ERBB4: variants seen among roughly 807,000 people sequenced by gnomAD.
The protein encoded by ERBB4 is erb-b2 receptor tyrosine kinase 4, also known as receptor tyrosine-protein kinase erbB-4.
Under a neutral mutation model 158.0 loss-of-function variants are expected in ERBB4, and 42 were observed. The observed-to-expected ratio is 0.27, with a 90% CI of 0.21 to 0.34. The LOEUF (loss-of-function observed/expected upper bound fraction) is 0.34, where lower values mean the gene tolerates loss of function less well. Ranked by LOEUF, ERBB4 falls within the 10% of genes least tolerant of loss-of-function variation. The pLI is 1.00. For missense variants in ERBB4, 1,333 were observed against 1,624.1 expected (o/e 0.82, Z 3.08); for synonymous variants, 583 against 558.7 (o/e 1.04, Z -0.61).
chr2:212,058,327 C>T (rs1382102494), intron 2 of ERBB4, among the ~76,000 whole-genome samples: 2 of 152,092 alleles, frequency 1.3e-5, no homozygotes, highest in African/African-American at 4.8e-5. Context: ...AAGTCCAGGA[C>T]CAGACAGATT....
intron 3 of ERBB4, among the ~76,000 whole-genome samples, chr2:211,861,844 G>T (rs1264676641): frequency 6.6e-6 from 1 of 151,990 alleles, no homozygotes; most frequent in East Asian, 1.9e-4. Context: ...TAAAACAGAG[G>T]ATTTGGAATG....
intron 1 of ERBB4, among the ~76,000 whole-genome samples, chr2:212,389,070 C>T (rs771218675): frequency 6.6e-6 from 1 of 152,046 alleles, no homozygotes; most frequent in Non-Finnish European, 1.5e-5. Flanking sequence ...GCAGTTTGGT[C>T]AGAACCGCCT....
intron 3 of ERBB4, among the ~76,000 whole-genome samples, chr2:211,807,638 T>A (rs2076650915): frequency 6.6e-6 from 1 of 152,334 alleles, no homozygotes; most frequent in South Asian, 2.1e-4. Context: ...GCACGATGTA[T>A]AATCCTTTGG....
At chr2:212,132,641 C>T (rs777972367) in intron 1 of ERBB4, among the ~76,000 whole-genome samples, 8 of 152,052 alleles carry the variant, frequency 5.3e-5, no homozygotes, top group Non-Finnish European at 1.0e-4. Context: ...ACCATTGCCA[C>T]TCTAACTCTC....
intron 1 of ERBB4, among the ~76,000 whole-genome samples, chr2:212,386,490 A>G (rs1358501604): frequency 2.0e-5 from 3 of 151,722 alleles, no homozygotes; most frequent in South Asian, 2.1e-4. Context: ...CATATGAACA[A>G]TTAGAAAGCT....
At position 211,433,531 on chromosome 2, in the gene ERBB4, A is replaced by G. The variant is rs554968438; in HGVS notation, c.2488-2431T>C. Among the ~76,000 whole-genome samples the G allele has an allele frequency of 2.6e-4, 40 of 151,796 alleles. No homozygotes were observed. The South Asian group carries it at 6.7e-3, about 25-fold the overall frequency. On this transcript the variant is annotated intron_variant, in intron 20 of 27. Transcript: ENST00000342788. ...GGGAGGCTGAGCTTGCAGTGAGCCAAGATGGCGCCACTGCACTCCAGCCTG... is the reference window on the plus strand; with the variant it reads ...GGGAGGCTGAGCTTGCAGTGAGCCAGGATGGCGCCACTGCACTCCAGCCTG...
At chr2:211,825,941 A>T (rs2077092238) in intron 3 of ERBB4, among the ~76,000 whole-genome samples, 1 of 149,498 alleles carries the variant, frequency 6.7e-6, no homozygotes, top group Non-Finnish European at 1.5e-5. Flanking sequence ...TGGCTTAGGA[A>T]AAAATCTCTT....
intron 3 of ERBB4, among the ~76,000 whole-genome samples, chr2:211,887,860 A>C (rs2078845861): frequency 6.6e-6 from 1 of 152,184 alleles, no homozygotes; most frequent in African/African-American, 2.4e-5. Flanking sequence ...AATATGCTTC[A>C]ACCACCTGGC....
At chr2:212,458,850 A>G (rs1242173980) in intron 1 of ERBB4, among the ~76,000 whole-genome samples, 1 of 152,214 alleles carries the variant, frequency 6.6e-6, no homozygotes, top group African/African-American at 2.4e-5. Context: ...TCGGAAAAGA[A>G]GAGAATAATT....
chr2:211,523,641 G>A lies in ERBB4; in HGVS notation c.2487+38262C>T, dbSNP rs148578280. Among the ~76,000 whole-genome samples the A allele has an allele frequency of 3.2e-3, 481 of 152,070 alleles. 1 individual carries two copies. Among genetic ancestry groups the A allele is most frequent in the African/African-American group, 0.011 (462 of 41,526 alleles). The stretch of plus-strand genomic sequence containing the variant: ...CGTCTGGAGTTGTTCGTTCCTCCCG[G>A]TGGGCTCGTGGTCCCGCCGGCTTCA... On this transcript the variant is annotated intron_variant, in intron 20 of 27. Coordinates refer to ENST00000342788, the MANE Select transcript of ERBB4 (RefSeq NM_005235.3).
intron 20 of ERBB4, among the ~76,000 whole-genome samples, chr2:211,482,551 T>C (rs1476926563): frequency 1.3e-5 from 2 of 152,176 alleles, no homozygotes; most frequent in African/African-American, 2.4e-5. Context: ...TAAGGTATCT[T>C]ATCAAAGATC....
chr2:211,791,444 T>C (rs2076277684), intron 3 of ERBB4, among the ~76,000 whole-genome samples: 1 of 151,710 alleles, frequency 6.6e-6, no homozygotes, highest in Admixed American at 6.6e-5. Flanking sequence ...TTAAGAAAGA[T>C]AGGCAAAGGA....
intron 1 of ERBB4, among the ~76,000 whole-genome samples, chr2:212,154,129 T>C (rs994139851): frequency 7.9e-5 from 12 of 152,252 alleles, no homozygotes; most frequent in East Asian, 1.9e-4. Flanking sequence ...CAGAAAAACA[T>C]TGATGGGCAA....
chr2:212,375,635 T>C (rs1405855161), intron 1 of ERBB4, among the ~76,000 whole-genome samples: 2 of 152,066 alleles, frequency 1.3e-5, no homozygotes, highest in African/African-American at 2.4e-5. Flanking sequence ...CTTCAAAAAC[T>C]TCATGGAAAA....
At chr2:211,965,199 G>T (rs527552265) in intron 2 of ERBB4, among the ~76,000 whole-genome samples, 36 of 152,238 alleles carry the variant, frequency 2.4e-4, no homozygotes, top group African/African-American at 7.0e-4. Flanking sequence ...TGTGCTTCAA[G>T]GGTAATACTG....
At chr2:212,411,054 T>A (rs966867586) in intron 1 of ERBB4, among the ~76,000 whole-genome samples, 6 of 152,104 alleles carry the variant, frequency 3.9e-5, no homozygotes, top group African/African-American at 1.4e-4. Flanking sequence ...AAAAATTAAT[T>A]TTAAGTAAAA....
intron 14 of ERBB4, among the ~76,000 whole-genome samples, chr2:211,666,827 G>T (rs2071648608): frequency 6.6e-6 from 1 of 152,046 alleles, no homozygotes; most frequent in African/African-American, 2.4e-5. Flanking sequence ...AGTTCACATG[G>T]AAAACAACTT....
At chr2:211,632,007 G>A (rs141795327) in intron 16 of ERBB4, among the ~76,000 whole-genome samples, 17 of 152,008 alleles carry the variant, frequency 1.1e-4, no homozygotes, top group East Asian at 5.8e-4. Context: ...AAAAATCTGC[G>A]TAACTTCTTC....
chr2:212,299,865 G>A (rs10173511), intron 1 of ERBB4, among the ~76,000 whole-genome samples: 111,889 of 151,442 alleles, frequency 0.74, 45,659 homozygotes, highest in Non-Finnish European at 0.9. Flanking sequence ...TGCATAGCAC[G>A]GCAGAAATTT....
Sources: gnomAD v4.1 joint callset for allele counts (sites outside exome capture counted in the v4.1 genomes callset) on GRCh38, gnomAD v4.1.1 for gene constraint, MANE v1.5 for transcripts, NCBI Gene and HGNC (gene_info 2026-07-23, HGNC 2026-07-21) for gene names.